Variants in ERC2 observed in about 807,000 individuals in gnomAD.
The protein encoded by ERC2 is ERC protein 2.
In ERC2, 42 loss-of-function variants were observed where a neutral mutation model predicts 114.8. The observed-to-expected ratio is 0.37, with a 90% CI of 0.29 to 0.47. The LOEUF is 0.47. Among genes scored for constraint, ERC2 ranks in the 20% least tolerant of loss-of-function variants. ERC2 has a pLI of 0.99. For missense variants in ERC2, 939 were observed against 1,150.7 expected (o/e 0.82, Z 2.66); for synonymous variants, 454 against 425.5 (o/e 1.07, Z -0.82).
At chr3:55,641,549 C>CAAAAAAAAAA (rs57407975) in intron 17 of ERC2, among the ~76,000 whole-genome samples, 1 of 28,346 alleles carries the variant, frequency 3.5e-5, no homozygotes, top group Non-Finnish European at 5.8e-5. Context: ...GATTCTATCT[C>CAAAAAAAAAA]AAAAAAAAAA....
intron 2 of ERC2, among the ~76,000 whole-genome samples, chr3:56,382,479 A>C (rs1419611277): frequency 6.6e-6 from 1 of 152,104 alleles, no homozygotes; most frequent in Non-Finnish European, 1.5e-5. Flanking sequence ...ATTTCCCCAA[A>C]ATAGCTCTTA....
chr3:56,400,077 A>G (rs1560753450), intron 2 of ERC2, among the ~76,000 whole-genome samples: 1 of 152,166 alleles, frequency 6.6e-6, no homozygotes, highest in Non-Finnish European at 1.5e-5. Flanking sequence ...CACTGCCTGA[A>G]TATTTGGTGG....
intron 7 of ERC2, among the ~76,000 whole-genome samples, chr3:56,074,343 A>G (rs1365634066): frequency 2.6e-5 from 4 of 152,202 alleles, no homozygotes; most frequent in Non-Finnish European, 5.9e-5. Flanking sequence ...AAGGATGCAA[A>G]TCATTTAGTG....
intron 17 of ERC2, among the ~76,000 whole-genome samples, chr3:55,653,286 T>C (rs2060716574): frequency 6.6e-6 from 1 of 152,206 alleles, no homozygotes; most frequent in Admixed American, 6.5e-5. Context: ...TTTTCCATAG[T>C]TCACTTTAAT....
At chr3:55,770,674 G>T (rs988511543) in intron 14 of ERC2, among the ~76,000 whole-genome samples, 4 of 151,992 alleles carry the variant, frequency 2.6e-5, no homozygotes, top group African/African-American at 9.7e-5. Context: ...GAATGTGCAG[G>T]TTTGTTACAT....
chr3:56,172,233 G>A (rs2082718309), intron 4 of ERC2, among the ~76,000 whole-genome samples: 1 of 151,948 alleles, frequency 6.6e-6, no homozygotes, highest in South Asian at 2.1e-4. Context: ...TTGGCATTTG[G>A]TCCCTTCAAA....
At chr3:56,432,847 G>A (rs2061851955) in intron 2 of ERC2, among the ~76,000 whole-genome samples, 1 of 152,170 alleles carries the variant, frequency 6.6e-6, no homozygotes, top group South Asian at 2.1e-4. Flanking sequence ...GAATTTTTGA[G>A]CCACGTGGTA....
At chr3:56,091,771 T>C (rs2149786604) in intron 6 of ERC2, among the ~76,000 whole-genome samples, 1 of 152,310 alleles carries the variant, frequency 6.6e-6, no homozygotes, top group Middle Eastern at 3.4e-3. Flanking sequence ...TAGTCATGGA[T>C]AACAAGAGAT....
chr3:55,665,828 A>G (rs1034895445), intron 17 of ERC2, among the ~76,000 whole-genome samples: 7 of 152,188 alleles, frequency 4.6e-5, no homozygotes, highest in Admixed American at 4.6e-4. Flanking sequence ...GCATCATCTC[A>G]TAGCTTCCAT....
chr3:56,353,247 C>A (rs182999661), intron 2 of ERC2, among the ~76,000 whole-genome samples: 84 of 152,128 alleles, frequency 5.5e-4, no homozygotes, highest in Admixed American at 1.2e-3. Context: ...GATCTACAAC[C>A]CATCCATCCC....
At chr3:56,385,372 A>C (rs2059899684) in intron 2 of ERC2, among the ~76,000 whole-genome samples, 1 of 151,892 alleles carries the variant, frequency 6.6e-6, no homozygotes, top group African/African-American at 2.4e-5. Flanking sequence ...TAATCCAATC[A>C]CTTCCCAAAG....
chr3:56,074,063 AG>A (rs2076862459), intron 7 of ERC2, among the ~76,000 whole-genome samples: 1 of 152,120 alleles, frequency 6.6e-6, no homozygotes, highest in South Asian at 2.1e-4. Context: ...TCCTAAAAAG[AG>A]GGGTTCTTAT....
At chr3:55,527,227 C>T (rs560777779) in intron 17 of ERC2, among the ~76,000 whole-genome samples, 5 of 152,232 alleles carry the variant, frequency 3.3e-5, no homozygotes, top group African/African-American at 2.4e-5. Context: ...TGGGCCTCCA[C>T]TGCCCCATCT....
At chr3:55,683,899 G>A (rs1173483295) in intron 16 of ERC2, 40 bp from the exon 17 acceptor site, 16 of 1,601,184 alleles carry the variant, frequency 1.0e-5, no homozygotes, top group Non-Finnish European at 1.3e-5. Flanking sequence ...CAGAGAGGAG[G>A]GGAGCACCAG....
At chr3:56,276,315 C>A (rs938756009) in intron 3 of ERC2, among the ~76,000 whole-genome samples, 7 of 152,018 alleles carry the variant, frequency 4.6e-5, no homozygotes, top group Admixed American at 3.9e-4. Flanking sequence ...CCTGTTCTGG[C>A]AGCTCAAACC....
At chr3:55,599,544 T>C (rs2058305451) in intron 17 of ERC2, among the ~76,000 whole-genome samples, 1 of 152,216 alleles carries the variant, frequency 6.6e-6, no homozygotes. Context: ...TTTTGCAGAT[T>C]TGAGGACTCC....
intron 6 of ERC2, among the ~76,000 whole-genome samples, chr3:56,102,113 G>C (rs1036645925): frequency 1.3e-5 from 2 of 152,114 alleles, no homozygotes; most frequent in Admixed American, 1.3e-4. Flanking sequence ...CCCTCCCTTT[G>C]CTTCACTTAT....
intron 15 of ERC2, among the ~76,000 whole-genome samples, chr3:55,711,840 A>G (rs1199567683): frequency 6.6e-6 from 1 of 152,224 alleles, no homozygotes; most frequent in South Asian, 2.1e-4. Context: ...AGCTGTTTCT[A>G]TAATGTGCTA....
intron 14 of ERC2, among the ~76,000 whole-genome samples, chr3:55,830,859 C>T (rs1320453954): frequency 1.3e-5 from 2 of 151,948 alleles, no homozygotes; most frequent in Admixed American, 1.3e-4. Flanking sequence ...CAGTAGGATC[C>T]CTTGACCCCA....
Sources: gnomAD v4.1 joint callset for allele counts (sites outside exome capture counted in the v4.1 genomes callset) on GRCh38, gnomAD v4.1.1 for gene constraint, MANE v1.5 for transcripts, NCBI Gene and HGNC (gene_info 2026-07-23, HGNC 2026-07-21) for gene names.